FSTL5: variants seen among roughly 807,000 people sequenced by gnomAD.
The protein encoded by FSTL5 is follistatin-related protein 5.
In FSTL5, 62 loss-of-function variants were observed where a neutral mutation model predicts 89.1. That is an observed-to-expected ratio of 0.70 (90% confidence interval 0.57 to 0.86). The LOEUF (loss-of-function observed/expected upper bound fraction) is 0.86, where lower values mean the gene tolerates loss of function less well. Ranked by LOEUF, FSTL5 falls within the 40% of genes least tolerant of loss-of-function variation. The pLI, the probability that FSTL5 is intolerant of heterozygous loss-of-function variation, is 0.00. For missense variants in FSTL5, 1,057 were observed against 1,001.6 expected, an observed-to-expected ratio of 1.06 and a Z score of -0.75; for synonymous variants, 383 against 346.2, an observed-to-expected ratio of 1.11 and a Z score of -1.18.
chr4:161,892,080 G>GA (rs2055754125), intron 4 of FSTL5, among the ~76,000 whole-genome samples: 1 of 151,832 alleles, frequency 6.6e-6, no homozygotes, highest in East Asian at 1.9e-4. Flanking sequence ...CATGCATCTA[G>GA]AATTATGTTT....
chr4:161,473,818 A>T (rs1432620608), intron 13 of FSTL5, among the ~76,000 whole-genome samples: 1 of 152,034 alleles, frequency 6.6e-6, no homozygotes, highest in African/African-American at 2.4e-5. Context: ...ATCCTTTTCA[A>T]TCCCTTATCT....
At position 161,510,975 on chromosome 4, in the gene FSTL5, T is replaced by C. The variant is rs193147859; in HGVS notation, c.1313-551A>G. ...AACAGACAGAAAATAGATCTAAGTA[T>C]ACTTCGCTTCTTTTAGTACATACTG... On this transcript the variant is annotated intron_variant, in intron 10 of 15. Coordinates refer to ENST00000306100, the MANE Select transcript of FSTL5 (RefSeq NM_020116.5). 4.2e-3 allele frequency among the ~76,000 whole-genome samples: 643 copies of C among 152,252 alleles called. 5 individuals carry two copies. Among genetic ancestry groups the C allele is most frequent in the African/African-American group, 0.015 (623 of 41,576 alleles).
At chr4:162,058,262 G>T (rs1738615010) in intron 2 of FSTL5, among the ~76,000 whole-genome samples, 1 of 151,938 alleles carries the variant, frequency 6.6e-6, no homozygotes, top group Non-Finnish European at 1.5e-5. Flanking sequence ...TAGGGACAAG[G>T]CTAGAATGGG....
intron 7 of FSTL5, among the ~76,000 whole-genome samples, chr4:161,592,966 T>C (rs1458439465): frequency 1.3e-5 from 2 of 152,166 alleles, no homozygotes; most frequent in East Asian, 1.9e-4. Context: ...AAATATACTT[T>C]ACTATAAAGA....
chr4:161,433,724 A>G (rs1180467352), intron 15 of FSTL5, among the ~76,000 whole-genome samples: 2 of 152,174 alleles, frequency 1.3e-5, no homozygotes, highest in Non-Finnish European at 2.9e-5. Context: ...AGGATAAAAA[A>G]GTCAACATAC....
chr4:161,678,800 T>C (rs1737410973), intron 6 of FSTL5, among the ~76,000 whole-genome samples: 1 of 151,804 alleles, frequency 6.6e-6, no homozygotes, highest in Admixed American at 6.6e-5. Context: ...AGATTTACTG[T>C]AGATTATTTT....
At chr4:161,449,995 A>C (rs1371838030) in intron 15 of FSTL5, among the ~76,000 whole-genome samples, 1 of 152,028 alleles carries the variant, frequency 6.6e-6, no homozygotes, top group Non-Finnish European at 1.5e-5. Context: ...GGTATCCTGC[A>C]CTCAGATTTC....
intron 3 of FSTL5, among the ~76,000 whole-genome samples, chr4:162,015,068 ATCT>A (rs935360397): frequency 2.0e-5 from 3 of 152,174 alleles, no homozygotes; most frequent in African/African-American, 7.2e-5. Context: ...AAATTTAGAA[ATCT>A]TCTTAGAGTG....
At chr4:161,533,185 C>T (rs1462022742) in intron 10 of FSTL5, among the ~76,000 whole-genome samples, 3 of 146,036 alleles carry the variant, frequency 2.1e-5, no homozygotes, top group Admixed American at 1.4e-4. Flanking sequence ...AAAAAAAAGG[C>T]AATCCAATTC....
intron 4 of FSTL5, among the ~76,000 whole-genome samples, chr4:161,876,704 C>G (rs1732453729): frequency 6.6e-6 from 1 of 152,026 alleles, no homozygotes; most frequent in South Asian, 2.1e-4. Context: ...CACACCACTG[C>G]ACTCCAGCCT....
At chr4:161,731,416 C>A (rs1579054014) in intron 6 of FSTL5, among the ~76,000 whole-genome samples, 1 of 152,056 alleles carries the variant, frequency 6.6e-6, no homozygotes. Context: ...TTCCCCCTTG[C>A]TGTTCTCATG....
chr4:161,500,027 G>T lies in FSTL5; in HGVS notation c.1447C>A (p.Leu483Ile), dbSNP rs762454494. ...TTTTAGATACTTGCCTGAAATCCAA[G>T]GAGCTTTTCACTAGGCTTAATGTGC... ...QRHIKPSEKL[L>I]GFQDEVCPKA... Residue 483 changes from leucine to isoleucine, a missense_variant, in exon 12 of 16, where the codon CTT becomes ATT. Physicochemically the swap from Leu to Ile is conservative, Grantham distance 5. Around this residue, in one of 3 missense-constraint regions of FSTL5, gnomAD observed 980 missense variants for 903.2 expected, o/e 1.08. Transcript: ENST00000306100. The T allele has an allele frequency of 3.1e-6, 5 of 1,590,878 alleles. No homozygotes were observed. Among genetic ancestry groups the T allele is most frequent in the Non-Finnish European group, 2.6e-6 (3 of 1,162,138 alleles).
At chr4:161,390,797 C>G (rs964920003) in intron 15 of FSTL5, among the ~76,000 whole-genome samples, 2 of 152,184 alleles carry the variant, frequency 1.3e-5, no homozygotes, top group East Asian at 3.9e-4. Flanking sequence ...TATCTCCTGG[C>G]TTAACATAGC....
intron 7 of FSTL5, among the ~76,000 whole-genome samples, chr4:161,613,257 C>A (rs1225156865): frequency 6.6e-6 from 1 of 152,032 alleles, no homozygotes; most frequent in Non-Finnish European, 1.5e-5. Flanking sequence ...TCGAGACCAT[C>A]CTGGCCAAAA....
intron 12 of FSTL5, among the ~76,000 whole-genome samples, chr4:161,495,947 T>C (rs1730055380): frequency 6.6e-6 from 1 of 151,174 alleles, no homozygotes; most frequent in Non-Finnish European, 1.5e-5. Context: ...CTTTTCACTG[T>C]GTAATCCTGA....
At chr4:161,418,344 T>C (rs550103099) in intron 15 of FSTL5, among the ~76,000 whole-genome samples, 1 of 152,268 alleles carries the variant, frequency 6.6e-6, no homozygotes, top group African/African-American at 2.4e-5. Flanking sequence ...CAAAAATTTG[T>C]AAAACAGATG....
At chr4:161,974,825 A>G (rs1447771295) in intron 3 of FSTL5, among the ~76,000 whole-genome samples, 1 of 150,686 alleles carries the variant, frequency 6.6e-6, no homozygotes, top group African/African-American at 2.4e-5. Flanking sequence ...AACCTACAAC[A>G]TGGGAGAAAA....
chr4:161,663,015 A>G (rs1441857888), intron 6 of FSTL5, among the ~76,000 whole-genome samples: 1 of 152,128 alleles, frequency 6.6e-6, no homozygotes, highest in Non-Finnish European at 1.5e-5. Flanking sequence ...AACCCATCAG[A>G]TCTCGTGAGA....
intron 5 of FSTL5, among the ~76,000 whole-genome samples, chr4:161,775,555 T>G (rs79590893): frequency 6.2e-4 from 95 of 152,222 alleles, no homozygotes; most frequent in Non-Finnish European, 1.3e-3. Context: ...AAGTTAAACA[T>G]TGCATGATCT....
Sources: allele counts gnomAD v4.1 joint callset (sites outside exome capture counted in the v4.1 genomes callset), GRCh38; gene constraint gnomAD v4.1.1; regional missense constraint gnomAD v4.1.1; transcripts MANE v1.5; gene names NCBI Gene and HGNC (gene_info 2026-07-23, HGNC 2026-07-21).